SGCZ: variants seen among roughly 807,000 people sequenced by gnomAD.
The protein encoded by SGCZ is sarcoglycan zeta.
In SGCZ, 40 loss-of-function variants were observed where a neutral mutation model predicts 41.3. The observed-to-expected ratio is 0.97, with a 90% CI of 0.75 to 1.26. The LOEUF (loss-of-function observed/expected upper bound fraction) is 1.26. Ranked by LOEUF, SGCZ falls within the 50% of genes most tolerant of loss-of-function variation. SGCZ has a pLI of 0.00. For synonymous variants in SGCZ, 206 were observed against 137.5 expected (o/e 1.50, Z -3.49); for missense variants, 552 against 369.8 (o/e 1.49, Z -4.04).
intron 1 of SGCZ, among the ~76,000 whole-genome samples, chr8:14,928,365 G>A (rs1354652922): frequency 6.6e-6 from 1 of 152,124 alleles, no homozygotes; most frequent in Non-Finnish European, 1.5e-5. Context: ...GGAGAAAAGT[G>A]TGGTTACTCT....
intron 1 of SGCZ, among the ~76,000 whole-genome samples, chr8:14,564,850 G>A (rs1011090328): frequency 1.3e-5 from 2 of 152,078 alleles, no homozygotes; most frequent in Non-Finnish European, 1.5e-5. Context: ...TACTTACCAC[G>A]GCAATTTAAA....
chr8:14,987,930 G>T (rs10089619), intron 1 of SGCZ, among the ~76,000 whole-genome samples: 1 of 151,572 alleles, frequency 6.6e-6, no homozygotes, highest in Non-Finnish European at 1.5e-5. Flanking sequence ...TGTCAGTGTC[G>T]TCTCAATGTC....
intron 1 of SGCZ, among the ~76,000 whole-genome samples, chr8:15,044,530 T>C (rs771035439): frequency 4.6e-5 from 7 of 152,146 alleles, no homozygotes; most frequent in Admixed American, 3.9e-4. Context: ...TTTTAAAACA[T>C]AGTAATACTT....
At chr8:14,952,844 C>T (rs903440621) in intron 1 of SGCZ, among the ~76,000 whole-genome samples, 4 of 152,088 alleles carry the variant, frequency 2.6e-5, no homozygotes, top group African/African-American at 9.7e-5. Context: ...AGAAAGATGT[C>T]CTGATACAAA....
At chr8:14,708,959 G>A (rs1345871063) in intron 1 of SGCZ, among the ~76,000 whole-genome samples, 1 of 151,952 alleles carries the variant, frequency 6.6e-6, no homozygotes, top group Non-Finnish European at 1.5e-5. Flanking sequence ...AAAGAAATTT[G>A]ATACCCAGAA....
chr8:14,556,825 G>T (rs905835661), intron 1 of SGCZ, among the ~76,000 whole-genome samples: 3 of 151,752 alleles, frequency 2.0e-5, no homozygotes, highest in African/African-American at 7.3e-5. Context: ...ATATACCACA[G>T]CTTATTGACT....
rs1403269581 is a variant in SGCZ at position 14,688,979 on chromosome 8, A to C, written c.40-134053T>G. On this transcript the variant is annotated intron_variant, in intron 1 of 7. Coordinates refer to ENST00000382080, the MANE Select transcript of SGCZ (RefSeq NM_139167.4). The stretch of plus-strand genomic sequence containing the variant: ...TCTTATACACCAATAACAGACAAAC[A>C]GAGAGCCAAATCATGAAAAAAATAT... Among the ~76,000 whole-genome samples the C allele has an allele frequency of 2.6e-5, 4 of 152,300 alleles. No homozygotes were observed. In the East Asian group the frequency reaches 7.7e-4, roughly 29 times the overall value.
At chr8:14,585,091 G>C (rs1805015915) in intron 1 of SGCZ, among the ~76,000 whole-genome samples, 2 of 152,048 alleles carry the variant, frequency 1.3e-5, no homozygotes, top group Non-Finnish European at 2.9e-5. Context: ...TTCTGAAAAG[G>C]TCAATACTTA....
intron 3 of SGCZ, among the ~76,000 whole-genome samples, chr8:14,259,330 C>T (rs570239712): frequency 3.3e-5 from 5 of 151,986 alleles, no homozygotes; most frequent in Non-Finnish European, 7.4e-5. Flanking sequence ...TCCCATTTGT[C>T]AATTTTGTCT....
At chr8:14,776,668 T>C (rs918951914) in intron 1 of SGCZ, among the ~76,000 whole-genome samples, 2 of 152,034 alleles carry the variant, frequency 1.3e-5, no homozygotes, top group African/African-American at 4.8e-5. Context: ...TAATTTTTTG[T>C]ATTTTTAGTA....
intron 3 of SGCZ, among the ~76,000 whole-genome samples, chr8:14,304,430 CA>C (rs1476061273): frequency 1.3e-5 from 2 of 151,960 alleles, no homozygotes; most frequent in African/African-American, 4.8e-5. Flanking sequence ...TTTGTCTCTA[CA>C]AAAAGTACAA....
chr8:14,702,296 T>C (rs1042709249), intron 1 of SGCZ, among the ~76,000 whole-genome samples: 2 of 151,966 alleles, frequency 1.3e-5, no homozygotes, highest in African/African-American at 2.4e-5. Flanking sequence ...TGTTTTTCCT[T>C]TACTGACACT....
At chr8:14,597,668 G>C (rs1805457800) in intron 1 of SGCZ, among the ~76,000 whole-genome samples, 1 of 152,152 alleles carries the variant, frequency 6.6e-6, no homozygotes, top group African/African-American at 2.4e-5. Context: ...GTAGTAATGG[G>C]GTTTTACCAT....
At chr8:15,002,023 C>G (rs1217613137) in intron 1 of SGCZ, among the ~76,000 whole-genome samples, 2 of 152,036 alleles carry the variant, frequency 1.3e-5, no homozygotes, top group African/African-American at 4.8e-5. Context: ...CATAAAAGAA[C>G]ATAAAACATA....
At chr8:14,451,417 G>T (rs1800589895) in intron 2 of SGCZ, among the ~76,000 whole-genome samples, 1 of 152,118 alleles carries the variant, frequency 6.6e-6, no homozygotes, top group Non-Finnish European at 1.5e-5. Flanking sequence ...ATTAAACTAA[G>T]AAACAGACGG....
intron 1 of SGCZ, among the ~76,000 whole-genome samples, chr8:14,849,997 C>T (rs1803257807): frequency 6.6e-6 from 1 of 152,146 alleles, no homozygotes; most frequent in African/African-American, 2.4e-5. Context: ...GAGAACAGAA[C>T]ATTCTACTGA....
chr8:14,795,465 G>C (rs573163443), intron 1 of SGCZ, among the ~76,000 whole-genome samples: 58 of 151,730 alleles, frequency 3.8e-4, no homozygotes, highest in Admixed American at 1.6e-3. Context: ...TTCTTTTTGA[G>C]ACAGGTTCTT....
chr8:14,617,144 TTGA>T (rs981757880), intron 1 of SGCZ, among the ~76,000 whole-genome samples: 2 of 152,162 alleles, frequency 1.3e-5, no homozygotes, highest in Non-Finnish European at 2.9e-5. Flanking sequence ...TAAGCTTCCC[TTGA>T]TGGTCTTCAA....
chr8:14,854,458 A>G (rs183384018), intron 1 of SGCZ, among the ~76,000 whole-genome samples: 161 of 152,284 alleles, frequency 1.1e-3, no homozygotes, highest in East Asian at 4.1e-3. Context: ...TTATTTTTAC[A>G]ATAAATACTG....
Sources: allele counts gnomAD v4.1 joint callset (sites outside exome capture counted in the v4.1 genomes callset), GRCh38; gene constraint gnomAD v4.1.1; transcripts MANE v1.5; gene names NCBI Gene and HGNC (gene_info 2026-07-23, HGNC 2026-07-21).